The following ZNF510 variants were observed in gnomAD, a reference collection of about 807,000 sequenced individuals.
ZNF510 encodes the protein zinc finger protein 510.
ZNF510 carries 15 observed loss-of-function variants against 18.1 expected under a neutral mutation model. That is an observed-to-expected ratio of 0.83 (90% confidence interval 0.55 to 1.28). The LOEUF is 1.28. Ranked by LOEUF, ZNF510 falls within the 50% of genes most tolerant of loss-of-function variation. The probability of loss-of-function intolerance (pLI) is 0.00; values close to 1 mark genes in which losing one functional copy is unlikely to be tolerated. For synonymous variants in ZNF510, 261 were observed against 266.4 expected (o/e 0.98, Z 0.20); for missense variants, 724 against 791.8 (o/e 0.91, Z 1.03).
chr9:96,763,384 G>T, intron 4 of ZNF510, 122 bp downstream of exon 4: 2 of 1,362,858 alleles, frequency 1.5e-6, no homozygotes. Flanking sequence ...AGTTACTTTG[G>T]AATCCTGAAT....
At chr9:96,768,521 A>G (rs1048820609) in intron 3 of ZNF510, among the ~76,000 whole-genome samples, 5 of 152,234 alleles carry the variant, frequency 3.3e-5, no homozygotes, top group African/African-American at 9.6e-5. Context: ...GTAGGATACA[A>G]GATGAACACA....
chr9:96,770,936 C>A (rs1221229021), intron 3 of ZNF510, among the ~76,000 whole-genome samples: 1 of 152,102 alleles, frequency 6.6e-6, no homozygotes, highest in Non-Finnish European at 1.5e-5. Context: ...ATAAAGGACA[C>A]TAGAATAAGT....
At chr9:96,770,862 A>G (rs1049389294) in intron 3 of ZNF510, among the ~76,000 whole-genome samples, 1 of 152,156 alleles carries the variant, frequency 6.6e-6, no homozygotes, top group African/African-American at 2.4e-5. Context: ...AAACCACAAA[A>G]TTGTACACTT....
chr9:96,771,431 T>TA (rs1564441028), intron 3 of ZNF510, among the ~76,000 whole-genome samples: 12 of 146,990 alleles, frequency 8.2e-5, no homozygotes, highest in African/African-American at 3.0e-4. Context: ...TCATGCATGA[T>TA]TAAAAAAAAA....
intron 5 of ZNF510, among the ~76,000 whole-genome samples, chr9:96,761,541 CCT>C (rs1218491302): frequency 2.6e-5 from 4 of 152,046 alleles, no homozygotes; most frequent in Non-Finnish European, 5.9e-5. Context: ...TGCAAAAATC[CCT>C]GTTTACCTAT....
chr9:96,758,964 G>A lies in ZNF510; in HGVS notation c.1866C>T (p.His622=). 4.3e-6 allele frequency: 7 copies of A among 1,614,072 alleles called. No individual in the cohort carries two copies. The highest frequency in any genetic ancestry group is 1.1e-5 in the South Asian group (1 of 91,086). Residue 622 remains histidine, a synonymous_variant, in exon 6 of 6, where the codon CAC becomes CAT. Coordinates refer to ENST00000223428, the MANE Select transcript of ZNF510 (RefSeq NM_014930.3). The part of the protein sequence containing the change: ...KAILSDHQRI[H]TGEKPFQCNK... ...TACACTGAAAGGGTTTCTCCCCTGTGTGAATTCTCTGATGATCACTAAGGA... is the reference window on the plus strand; with the variant it reads ...TACACTGAAAGGGTTTCTCCCCTGTATGAATTCTCTGATGATCACTAAGGA...
intron 5 of ZNF510, among the ~76,000 whole-genome samples, chr9:96,762,204 TAAA>T (rs551652153): frequency 9.1e-5 from 9 of 99,444 alleles, no homozygotes; most frequent in African/African-American, 1.6e-4. Flanking sequence ...CTGTGGAAAT[TAAA>T]AAAAAAAAAA....
In ZNF510 at chr9:96,776,131, G is replaced by A; in HGVS notation, c.-62C>T. The A allele has an allele frequency of 6.4e-7, 1 of 1,552,742 alleles. No individual in the cohort carries two copies. ...AAGTGCCGCTGGTTGGGCAAATCAA[G>A]ACCTGCTCCTTTCTGGGTTCTTCTG... On this transcript the variant is annotated 5_prime_UTR_variant, in exon 2 of 6. Coordinates refer to ENST00000223428, the MANE Select transcript of ZNF510 (RefSeq NM_014930.3).
chr9:96,763,382 T>G lies in ZNF510; in HGVS notation c.256+124A>C, dbSNP rs534848158. ...AGTCCTCGACAGGGCATAGTTACTT[T>G]GGAATCCTGAATGAAAAGCCTAAAT... is the stretch of plus-strand genomic sequence containing the variant. On this transcript the variant is annotated intron_variant, in intron 4 of 5. Coordinates refer to ENST00000223428, the MANE Select transcript of ZNF510 (RefSeq NM_014930.3). The G allele has an allele frequency of 4.5e-4, 606 of 1,359,928 alleles. 1 individual carries two copies. The highest frequency in any genetic ancestry group is 1.3e-3 in the Admixed American group (54 of 42,354). 84.2% of individuals were successfully genotyped at this position (1,359,928 alleles called of 1,614,324 possible).
chr9:96,759,755 T>C lies in ZNF510; in HGVS notation c.1075A>G (p.Ile359Val), dbSNP rs767046445. The change falls in exon 6 of 6, where the codon ATA becomes GTA. Residue 359 changes from isoleucine to valine, a missense_variant. Ile to Val is a conservative substitution (Grantham distance 29, BLOSUM62 3). Coordinates refer to ENST00000223428, the MANE Select transcript of ZNF510 (RefSeq NM_014930.3). ...AHLTDPQTAV[I>V]EENPLVSNDR... ...TTACTTACCAATGGGTTCTCTTCTA[T>C]GACAGCTGTTTGAGGATCAGTGAGG... The C allele has an allele frequency of 3.1e-6, 5 of 1,614,052 alleles. No homozygotes were observed. The East Asian group carries it at 1.1e-4, about 36-fold the overall frequency.
Position 96,762,483 on chromosome 9 carries a change from T to C in ZNF510, c.352+635A>G, listed in dbSNP as rs1388097236. 5.5e-5 allele frequency among the ~76,000 whole-genome samples: 8 copies of C among 145,058 alleles called. No homozygotes were observed. The East Asian group carries it at 1.6e-3, about 29-fold the overall frequency. On this transcript the variant is annotated intron_variant, in intron 5 of 5. Coordinates refer to ENST00000223428, the MANE Select transcript of ZNF510 (RefSeq NM_014930.3). ...AAGATTGCACCACTGCACTCCAGCC[T>C]GAGTGACAGAGGGAGACTCCGTCTC...
chr9:96,763,682 G>A (rs1302556765), intron 3 of ZNF510, 50 bp from the exon 4 acceptor site: 8 of 1,496,032 alleles, frequency 5.3e-6, no homozygotes, highest in Non-Finnish European at 7.2e-6. Context: ...ATTAGATGAT[G>A]TAGAAAATAG....
intron 1 of ZNF510, among the ~76,000 whole-genome samples, chr9:96,776,734 A>C (rs1849711461): frequency 1.3e-5 from 2 of 152,170 alleles, no homozygotes; most frequent in African/African-American, 4.8e-5. Flanking sequence ...GCAGTGAGCC[A>C]AGATCACACC....
chr9:96,774,681 T>C, intron 3 of ZNF510, 107 bp downstream of exon 3: 1 of 1,038,932 alleles, frequency 9.6e-7, no homozygotes. Context: ...TGCTTTTCTA[T>C]ATATTCCTTG....
In ZNF510 at chr9:96,760,222, C is replaced by G; in HGVS notation, c.608G>C (p.Cys203Ser). Residue 203 changes from cysteine (C) to serine (S), a missense_variant, in exon 6 of 6, where the codon TGC (cysteine) becomes TCC (serine). Cys to Ser is a moderately radical substitution (Grantham distance 112, BLOSUM62 -1). Transcript: ENST00000223428. ...AGGTGAATTCTCACATACATTACCG[C>G]AACCTATTTTCTTTGTTGAATAGTT... ...NRNYSTKKIG[C>S]GNVCENSPFK... The G allele has an allele frequency of 6.2e-7, 1 of 1,613,098 alleles. No homozygotes were observed. The highest frequency in any genetic ancestry group is 8.5e-7 in the Non-Finnish European group (1 of 1,179,658).
intron 2 of ZNF510, 39 bp from the exon 3 acceptor site, chr9:96,774,885 C>T: frequency 6.3e-7 from 1 of 1,579,346 alleles, no homozygotes; most frequent in Non-Finnish European, 8.7e-7. Flanking sequence ...TCTGGGCAGC[C>T]TCCATCTTAC....
Position 96,759,675 on chromosome 9 carries a change from G to A in ZNF510, c.1155C>T (p.Ser385=), listed in dbSNP as rs755943402. The A allele has an allele frequency of 4.3e-6, 7 of 1,613,464 alleles. No individual in the cohort carries two copies. In the South Asian group the frequency reaches 7.7e-5, roughly 18 times the overall value. The change falls in exon 6 of 6, where the codon TCC becomes TCT. Residue 385 remains serine, a synonymous_variant. Coordinates refer to ENST00000223428, the MANE Select transcript of ZNF510 (RefSeq NM_014930.3). ...KSSEYHENKK[S]YQTSVHRVRR... ...GAACTCTGTGAACCGACGTCTGGTAGGATTTCTTATTTTCATGATATTCAG... is the reference window on the plus strand; with the variant it reads ...GAACTCTGTGAACCGACGTCTGGTAAGATTTCTTATTTTCATGATATTCAG...
intron 5 of ZNF510, among the ~76,000 whole-genome samples, chr9:96,762,732 C>T (rs1323367711): frequency 6.6e-6 from 1 of 152,124 alleles, no homozygotes; most frequent in Non-Finnish European, 1.5e-5. Context: ...TGAGATTGAA[C>T]ACATTTTCAA....
At position 96,769,198 on chromosome 9, in the gene ZNF510, G is replaced by A. The variant is rs947324261; in HGVS notation, c.130-5566C>T. Among the ~76,000 whole-genome samples the A allele has an allele frequency of 2.0e-5, 3 of 152,222 alleles. No homozygotes were observed. The East Asian group carries it at 5.8e-4, about 29-fold the overall frequency. On this transcript the variant is annotated intron_variant, in intron 3 of 5. Transcript: ENST00000223428. ...ACCTGTAATCCCAGCACTTTAGGAGGCTGAGGCAGACAGATCACTTGAGAT... is the reference window on the plus strand; with the variant it reads ...ACCTGTAATCCCAGCACTTTAGGAGACTGAGGCAGACAGATCACTTGAGAT...
Sources: allele counts gnomAD v4.1 joint callset (sites outside exome capture counted in the v4.1 genomes callset), GRCh38; gene constraint gnomAD v4.1.1; transcripts MANE v1.5; gene names NCBI Gene and HGNC (gene_info 2026-07-23, HGNC 2026-07-21).